The following ADARB1 variants were observed in gnomAD, a reference collection of about 807,000 sequenced individuals.
ADARB1 encodes the protein double-stranded RNA-specific editase 1.
ADARB1 carries 10 observed loss-of-function variants against 52.4 expected under a neutral mutation model. That is an observed-to-expected ratio of 0.19 (90% CI 0.12 to 0.32). The LOEUF (loss-of-function observed/expected upper bound fraction) is 0.32, where lower values mean the gene tolerates loss of function less well. Ranked by LOEUF, ADARB1 falls within the 10% of genes least tolerant of loss-of-function variation. The pLI is 1.00. For missense variants in ADARB1, 643 were observed against 922.3 expected (o/e 0.70, Z 3.92); for synonymous variants, 349 against 371.1 (o/e 0.94, Z 0.68).
At chr21:45,197,010 G>A (rs2092439284) in intron 8 of ADARB1, among the ~76,000 whole-genome samples, 2 of 152,142 alleles carry the variant, frequency 1.3e-5, no homozygotes, top group South Asian at 4.1e-4. Flanking sequence ...TGGCCAACAT[G>A]ACGAAACCCC....
intron 1 of ADARB1, among the ~76,000 whole-genome samples, chr21:45,078,847 G>A (rs1199401063): frequency 6.6e-6 from 1 of 152,146 alleles, no homozygotes; most frequent in African/African-American, 2.4e-5. Context: ...TGTTTTAAGA[G>A]CTTTACATAT....
chr21:45,116,896 C>A (rs2087857216), intron 1 of ADARB1: 1 of 151,888 alleles, frequency 6.6e-6, no homozygotes, highest in South Asian at 2.1e-4. Flanking sequence ...ATATCTGTGT[C>A]TTTTTTCATG....
chr21:45,091,295 A>G (rs550362389), intron 1 of ADARB1, among the ~76,000 whole-genome samples: 7 of 152,340 alleles, frequency 4.6e-5, no homozygotes, highest in South Asian at 2.1e-4. Context: ...CACTGCTTCA[A>G]TGCTAGTTGA....
chr21:45,201,399 G>T (rs888120320), intron 8 of ADARB1, among the ~76,000 whole-genome samples: 2 of 152,172 alleles, frequency 1.3e-5, no homozygotes, highest in Non-Finnish European at 2.9e-5. Flanking sequence ...AACAAATGAA[G>T]GTTTCTGCAG....
Position 45,142,831 on chromosome 21 carries a change from ACG to A in ADARB1, c.-48+14259_-48+14260del, listed in dbSNP as rs1569062151. Among the ~76,000 whole-genome samples, 10 of 152,312 alleles carry A rather than the reference ACG, an allele frequency of 6.6e-5. No homozygotes were observed. The highest frequency in any genetic ancestry group is 6.5e-4 in the Admixed American group (10 of 15,304). Reference sequence around the variant, plus strand: ...GGGCCCAGAAGGTAAGAAATTGCCTACGGCCCTTGGCTAATAGAAGAGGGAGC... The same window carrying A: ...GGGCCCAGAAGGTAAGAAATTGCCTAGCCCTTGGCTAATAGAAGAGGGAGC... On this transcript the variant is annotated intron_variant, in intron 2 of 10. Transcript: ENST00000348831. The surrounding 1 kb of genome is among the most constrained non-coding windows in gnomAD (Gnocchi z 4.0).
At chr21:45,076,609 T>A (rs1039513539) in intron 1 of ADARB1, among the ~76,000 whole-genome samples, 2 of 152,202 alleles carry the variant, frequency 1.3e-5, no homozygotes, top group Non-Finnish European at 2.9e-5. Flanking sequence ...CTCATGCAGT[T>A]GTTACTGGGA....
At chr21:45,095,513 C>T (rs2086721420) in intron 1 of ADARB1, among the ~76,000 whole-genome samples, 1 of 152,188 alleles carries the variant, frequency 6.6e-6, no homozygotes, top group Non-Finnish European at 1.5e-5. Flanking sequence ...CCACGTTTCC[C>T]GAGGCTTCTG....
chr21:45,104,631 T>G (rs1279162980), intron 1 of ADARB1, among the ~76,000 whole-genome samples: 1 of 152,232 alleles, frequency 6.6e-6, no homozygotes, highest in Non-Finnish European at 1.5e-5. Context: ...GTGGTCTGTT[T>G]TGGCTAAATA....
chr21:45,220,732 C>A lies in ADARB1; in HGVS notation c.1748-104C>A. 8.1e-7 allele frequency: 1 copy of A among 1,236,442 alleles called. No individual in the cohort carries two copies. The highest frequency in any genetic ancestry group is 1.2e-6 in the Non-Finnish European group (1 of 869,140). 76.6% of individuals were successfully genotyped at this position (1,236,442 alleles called of 1,614,324 possible). ...CTCGGCAGGCAGAATTCCCCCACCA[C>A]GCACTTCTGTGGCCATGTCTGAGCA... On this transcript the variant is annotated intron_variant, in intron 9 of 10. Coordinates refer to ENST00000348831, the MANE Select transcript of ADARB1 (RefSeq NM_001112.4). This position sits in a 1 kb window ranked among gnomAD's most constrained non-coding sequence, Gnocchi z 6.3.
chr21:45,222,414 C>T lies in ADARB1; in HGVS notation c.*217C>T, dbSNP rs1372435653. Reference sequence around the variant, plus strand: ...GATGGGGTGCGTCAGGGCCCAGCATCGCCGCCTGGCATCTCTCTGCCGCAG... The same window carrying T: ...GATGGGGTGCGTCAGGGCCCAGCATTGCCGCCTGGCATCTCTCTGCCGCAG... On this transcript the variant is annotated 3_prime_UTR_variant, in exon 11 of 11. Transcript: ENST00000348831. The T allele has an allele frequency of 7.7e-6, 10 of 1,291,460 alleles. No homozygotes were observed. Among genetic ancestry groups the T allele is most frequent in the South Asian group, 2.8e-5 (1 of 35,664 alleles). The allele number at this position is 1,291,460 out of a possible 1,614,324, so 80.0% of individuals were successfully genotyped here.
chr21:45,080,053 CTTA>C (rs1450528229), intron 1 of ADARB1, among the ~76,000 whole-genome samples: 1 of 152,120 alleles, frequency 6.6e-6, no homozygotes, highest in East Asian at 1.9e-4. Context: ...TTCTTTTCTT[CTTA>C]TTCTTCGTGG....
chr21:45,222,399 G>A lies in ADARB1; in HGVS notation c.*202G>A, dbSNP rs1026714763. 24 of 1,310,644 alleles carry A rather than the reference G, an allele frequency of 1.8e-5. No homozygotes were observed. In the East Asian group the frequency reaches 4.3e-4, roughly 23 times the overall value. 81.2% of individuals were successfully genotyped at this position (1,310,644 alleles called of 1,614,324 possible). A position where few individuals can be genotyped will look rare whatever the true frequency, so the allele number is the denominator to read the frequency against. On this transcript the variant is annotated 3_prime_UTR_variant, in exon 11 of 11. Transcript: ENST00000348831. ...GCAGTGTGGGGAGGGGATGGGGTGC[G>A]TCAGGGCCCAGCATCGCCGCCTGGC...
At chr21:45,127,649 G>A (rs571393261) in intron 1 of ADARB1, among the ~76,000 whole-genome samples, 5 of 152,152 alleles carry the variant, frequency 3.3e-5, no homozygotes, top group South Asian at 2.1e-4. Context: ...CCACTTTCAC[G>A]CGCACCTTAT....
At chr21:45,181,379 G>C (rs535814460) in intron 5 of ADARB1, 67 of 152,604 alleles carry the variant, frequency 4.4e-4, no homozygotes, top group African/African-American at 1.5e-3. Flanking sequence ...GTCCAGGGAG[G>C]AGGAAGCACC....
intron 6 of ADARB1, among the ~76,000 whole-genome samples, 192 bp downstream of exon 6, chr21:45,182,945 A>G (rs889600351): frequency 2.0e-5 from 3 of 152,234 alleles, no homozygotes; most frequent in African/African-American, 4.8e-5. Flanking sequence ...CATACATACA[A>G]TAACATAACA....
chr21:45,184,047 A>G (rs994780290), intron 7 of ADARB1, among the ~76,000 whole-genome samples: 5 of 152,122 alleles, frequency 3.3e-5, no homozygotes, highest in Admixed American at 6.5e-5. Flanking sequence ...AGAACGTTTT[A>G]TTACATTACT....
In ADARB1 at chr21:45,176,539, A is replaced by G; in HGVS notation, c.838A>G (p.Asn280Asp). 6.2e-7 allele frequency: 1 copy of G among 1,614,166 alleles called. No homozygotes were observed. Among genetic ancestry groups the G allele is most frequent in the Non-Finnish European group, 8.5e-7 (1 of 1,180,034 alleles). The change falls in exon 4 of 11, where the codon AAC becomes GAC. Residue 280 changes from asparagine to aspartate, a missense_variant. Coordinates refer to ENST00000348831, the MANE Select transcript of ADARB1 (RefSeq NM_001112.4). This position sits in a 1 kb window ranked among gnomAD's most constrained non-coding sequence, Gnocchi z 5.8. ...DGQFFEGSGRNKKLAKARAAQ... is the reference protein window; with the variant it reads ...DGQFFEGSGRDKKLAKARAAQ... Reference sequence around the variant, plus strand: ...TCAGTTCTTTGAAGGCTCGGGGAGAAACAAGAAGCTTGCCAAGGCCCGGGC... The same window carrying G: ...TCAGTTCTTTGAAGGCTCGGGGAGAGACAAGAAGCTTGCCAAGGCCCGGGC...
intron 1 of ADARB1, among the ~76,000 whole-genome samples, chr21:45,124,327 A>G (rs1046752292): frequency 1.3e-5 from 2 of 152,224 alleles, no homozygotes; most frequent in African/African-American, 2.4e-5. Flanking sequence ...TTTACTGACT[A>G]TAATCCATCC....
At chr21:45,130,360 G>A (rs1343231466) in intron 2 of ADARB1, among the ~76,000 whole-genome samples, 1 of 152,058 alleles carries the variant, frequency 6.6e-6, no homozygotes, top group Admixed American at 6.6e-5. Context: ...AAATAATCAG[G>A]CCAGAAGGAG....
Sources: gnomAD v4.1 joint callset for allele counts (sites outside exome capture counted in the v4.1 genomes callset) on GRCh38, gnomAD v4.1.1 for gene constraint, Gnocchi (gnomAD v3.1) non-coding constraint, MANE v1.5 for transcripts, NCBI Gene and HGNC (gene_info 2026-07-23, HGNC 2026-07-21) for gene names.